Variants in KCTD16 observed in about 807,000 individuals in gnomAD.
The protein encoded by KCTD16 is potassium channel tetramerization domain containing 16.
KCTD16 carries 13 observed loss-of-function variants against 33.2 expected under a neutral mutation model. The observed-to-expected ratio is 0.39, with a 90% confidence interval of 0.25 to 0.62. KCTD16 has a LOEUF of 0.62. Among genes scored for constraint, KCTD16 ranks in the 20% least tolerant of loss-of-function variants. The pLI, the probability that KCTD16 is intolerant of heterozygous loss-of-function variation, is 0.50. For synonymous variants in KCTD16, 197 were observed against 195.3 expected (o/e 1.01, Z -0.07); for missense variants, 441 against 525.1 (o/e 0.84, Z 1.57).
intron 2 of KCTD16, among the ~76,000 whole-genome samples, chr5:144,200,957 C>T (rs940433799): frequency 3.3e-5 from 5 of 152,160 alleles, no homozygotes; most frequent in South Asian, 2.1e-4. Flanking sequence ...TGTTGCCCAG[C>T]GTGGTCTCAA....
At chr5:144,391,742 T>C (rs1481591024) in intron 3 of KCTD16, among the ~76,000 whole-genome samples, 3 of 152,260 alleles carry the variant, frequency 2.0e-5, no homozygotes, top group Non-Finnish European at 4.4e-5. Flanking sequence ...CTTTGTAAAC[T>C]GTGAAGTGTA....
chr5:144,219,180 C>T (rs149433415), intron 3 of KCTD16, among the ~76,000 whole-genome samples: 246 of 152,170 alleles, frequency 1.6e-3, no homozygotes, highest in African/African-American at 5.6e-3. Context: ...TCATCAGTAG[C>T]CAGGCATTTT....
rs1754391066 is a variant in KCTD16 at position 144,241,110 on chromosome 5, G to A, written c.832+33564G>A. 2.0e-5 allele frequency among the ~76,000 whole-genome samples: 3 copies of A among 152,078 alleles called. No individual in the cohort carries two copies. The South Asian group carries it at 6.2e-4, about 32-fold the overall frequency. ...TATGAAATCATGCATGGTGCTTGAGGTCCTCCTCTTAACTCTTAAACTCAC... is the reference window on the plus strand; with the variant it reads ...TATGAAATCATGCATGGTGCTTGAGATCCTCCTCTTAACTCTTAAACTCAC... On this transcript the variant is annotated intron_variant, in intron 3 of 3. Transcript: ENST00000512467.
chr5:144,280,648 G>C (rs1043176975), intron 3 of KCTD16, among the ~76,000 whole-genome samples: 5 of 152,262 alleles, frequency 3.3e-5, no homozygotes, highest in African/African-American at 1.2e-4. Flanking sequence ...TTTCCGGCTG[G>C]GCGCAGTGGC....
chr5:144,283,061 T>TA (rs1755649911), intron 3 of KCTD16, among the ~76,000 whole-genome samples: 1 of 152,208 alleles, frequency 6.6e-6, no homozygotes, highest in Non-Finnish European at 1.5e-5. Context: ...TTCTTTTTTT[T>TA]ATTATACTTT....
chr5:144,453,215 A>ATGCCC (rs1753985631), intron 3 of KCTD16, among the ~76,000 whole-genome samples: 1 of 151,954 alleles, frequency 6.6e-6, no homozygotes, highest in African/African-American at 2.4e-5. Flanking sequence ...CCCTCAGGTG[A>ATGCCC]TGCCCAGGTT....
At chr5:144,351,364 C>T (rs191137906) in intron 3 of KCTD16, among the ~76,000 whole-genome samples, 26 of 152,214 alleles carry the variant, frequency 1.7e-4, no homozygotes, top group East Asian at 1.9e-4. Flanking sequence ...AATATCACAT[C>T]GTATCTGTGA....
At chr5:144,226,772 C>T (rs958528648) in intron 3 of KCTD16, among the ~76,000 whole-genome samples, 5 of 152,008 alleles carry the variant, frequency 3.3e-5, no homozygotes, top group African/African-American at 1.2e-4. Context: ...GGGATTTCGC[C>T]ATGTTGGTCA....
intron 2 of KCTD16, among the ~76,000 whole-genome samples, chr5:144,203,599 T>G (rs1753092523): frequency 6.6e-6 from 1 of 152,196 alleles, no homozygotes; most frequent in African/African-American, 2.4e-5. Context: ...ATTATAATTT[T>G]TCTTACTCTG....
Position 144,484,778 on chromosome 5 carries a change from TTGA to T in KCTD16, c.*10668_*10670del, listed in dbSNP as rs1326261877. 6.6e-6 allele frequency: 1 copy of T among 152,010 alleles called. No homozygotes were observed. 9.4% of individuals were successfully genotyped at this position (152,010 alleles called of 1,614,324 possible). A position where few individuals can be genotyped will look rare whatever the true frequency, so the allele number is the denominator to read the frequency against. ...ATGACTTGGGTCAGTTTGTTGCACATTGATGAATAACAAGTGACACCCAATGAA... is the reference window on the plus strand; with the variant it reads ...ATGACTTGGGTCAGTTTGTTGCACATTGAATAACAAGTGACACCCAATGAA... On this transcript the variant is annotated 3_prime_UTR_variant, in exon 4 of 4. Coordinates refer to ENST00000512467, the MANE Select transcript of KCTD16 (RefSeq NM_020768.4).
intron 3 of KCTD16, among the ~76,000 whole-genome samples, chr5:144,340,401 C>CAAAAAA (rs1208475292): frequency 6.2e-5 from 3 of 48,224 alleles, no homozygotes; most frequent in Non-Finnish European, 9.5e-5. Flanking sequence ...GACTCCATCT[C>CAAAAAA]AAAAAAAAAA....
chr5:144,261,456 G>A (rs1384912704), intron 3 of KCTD16, among the ~76,000 whole-genome samples: 1 of 152,162 alleles, frequency 6.6e-6, no homozygotes, highest in African/African-American at 2.4e-5. Context: ...GGGAGAATTT[G>A]ACCGAGCATA....
chr5:144,464,169 T>A (rs1754265039), intron 3 of KCTD16, among the ~76,000 whole-genome samples: 1 of 152,218 alleles, frequency 6.6e-6, no homozygotes, highest in South Asian at 2.1e-4. Flanking sequence ...CTTTGGCCAA[T>A]ACATTCCTGT....
intron 3 of KCTD16, among the ~76,000 whole-genome samples, chr5:144,316,401 G>T (rs1427419070): frequency 2.0e-5 from 3 of 151,914 alleles, no homozygotes; most frequent in African/African-American, 4.8e-5. Flanking sequence ...TTGCCAAAGA[G>T]AACTTGTTTC....
chr5:144,210,294 T>A (rs923723906), intron 3 of KCTD16, among the ~76,000 whole-genome samples: 8 of 152,134 alleles, frequency 5.3e-5, no homozygotes, highest in Non-Finnish European at 1.0e-4. Flanking sequence ...AACAGGTATT[T>A]GTATGTGCTT....
intron 3 of KCTD16, among the ~76,000 whole-genome samples, chr5:144,400,131 C>G (rs577624117): frequency 6.6e-6 from 1 of 152,270 alleles, no homozygotes; most frequent in South Asian, 2.1e-4. Flanking sequence ...CTGATTCAGA[C>G]AGAGGAAGGT....
intron 3 of KCTD16, among the ~76,000 whole-genome samples, chr5:144,360,063 A>G (rs1012984823): frequency 6.6e-6 from 1 of 152,168 alleles, no homozygotes; most frequent in Non-Finnish European, 1.5e-5. Flanking sequence ...TACTGTGTAA[A>G]TGTGAACAGA....
chr5:144,244,567 A>T (rs1016887084), intron 3 of KCTD16, among the ~76,000 whole-genome samples: 3 of 152,198 alleles, frequency 2.0e-5, no homozygotes, highest in Non-Finnish European at 4.4e-5. Context: ...TATCAGATAT[A>T]CTTTATGGTC....
intron 3 of KCTD16, among the ~76,000 whole-genome samples, chr5:144,336,241 A>G (rs1295499269): frequency 6.6e-6 from 1 of 152,232 alleles, no homozygotes; most frequent in East Asian, 1.9e-4. Flanking sequence ...GGCAAGTTCC[A>G]GACACGGCTT....
Sources: allele counts gnomAD v4.1 joint callset (sites outside exome capture counted in the v4.1 genomes callset), GRCh38; gene constraint gnomAD v4.1.1; transcripts MANE v1.5; gene names NCBI Gene and HGNC (gene_info 2026-07-23, HGNC 2026-07-21).